The following LYSMD3 variants were observed in gnomAD, a reference collection of about 807,000 sequenced individuals.
The protein encoded by LYSMD3 is lysM and putative peptidoglycan-binding domain-containing protein 3.
A neutral mutation model predicts 26.1 loss-of-function variants in LYSMD3; 13 were observed. That is an observed-to-expected ratio of 0.50 (90% CI 0.32 to 0.79). LYSMD3 has a LOEUF of 0.79. Ranked by LOEUF, LYSMD3 falls within the 30% of genes least tolerant of loss-of-function variation. LYSMD3 has a pLI of 0.03. For missense variants in LYSMD3, 331 were observed against 362.5 expected, an observed-to-expected ratio of 0.91 and a Z score of 0.71; for synonymous variants, 109 against 119.4, an observed-to-expected ratio of 0.91 and a Z score of 0.57.
chr5:90,528,806 A>C (rs1357176337), intron 1 of LYSMD3, among the ~76,000 whole-genome samples: 2 of 152,226 alleles, frequency 1.3e-5, no homozygotes. Context: ...ACAGTGTTAA[A>C]GCATTCTTCA....
Position 90,518,801 on chromosome 5 carries a change from T to G in LYSMD3, c.*18A>C. ...CAGATGCACATGTGACCACTAACAT[T>G]TGATTATGAGCTAATTGCTATGTTT... On this transcript the variant is annotated 3_prime_UTR_variant, in exon 3 of 3. Coordinates refer to ENST00000315948, the MANE Select transcript of LYSMD3 (RefSeq NM_198273.2). 1 of 1,581,744 alleles carries G rather than the reference T, an allele frequency of 6.3e-7. No homozygotes were observed. Among genetic ancestry groups the G allele is most frequent in the African/African-American group, 1.4e-5 (1 of 73,270 alleles).
At chr5:90,521,240 G>A (rs1224046505) in intron 2 of LYSMD3, among the ~76,000 whole-genome samples, 1 of 152,102 alleles carries the variant, frequency 6.6e-6, no homozygotes, top group Non-Finnish European at 1.5e-5. Flanking sequence ...ACATTATAGG[G>A]TTGAGGTGAA....
At chr5:90,527,948 T>TAA (rs1360600516) in intron 1 of LYSMD3, among the ~76,000 whole-genome samples, 11 of 152,228 alleles carry the variant, frequency 7.2e-5, no homozygotes, top group African/African-American at 2.7e-4. Flanking sequence ...AGCTATATGT[T>TAA]AAGTAGATTA....
rs1753191414 is a variant in LYSMD3 at position 90,525,198 on chromosome 5, T to C, written c.92A>G (p.Asp31Gly). 3.7e-6 allele frequency: 6 copies of C among 1,614,060 alleles called. No homozygotes were observed. The highest frequency in any genetic ancestry group is 1.3e-5 in the African/African-American group (1 of 75,020). ...CACTTCAGCATCCTCCTCCAAAATA[T>C]CACTGTCTGAACAATTTCCAAATGC... ...VHAFGNCSDS[D>G]ILEEDAEVYE... The change falls in exon 2 of 3, where the codon GAT becomes GGT. Residue 31 changes from aspartate (D) to glycine (G), a missense_variant. Coordinates refer to ENST00000315948, the MANE Select transcript of LYSMD3 (RefSeq NM_198273.2).
Position 90,518,848 on chromosome 5 carries a change from G to A in LYSMD3, c.892C>T (p.Gln298Ter). 1 of 1,613,412 alleles carries A rather than the reference G, an allele frequency of 6.2e-7. No individual in the cohort carries two copies. Among genetic ancestry groups the A allele is most frequent in the Non-Finnish European group, 8.5e-7 (1 of 1,179,656 alleles). ...DDHKLYSQDS[Q>*]SPAAQQET ...GTTTCCTGTTGAGCAGCAGGTGACT[G>A]AGAATCTTGACTATACAGTTTATGA... is the stretch of plus-strand genomic sequence containing the variant. The change falls in exon 3 of 3, where the codon CAG (glutamine) becomes TAG (stop). Residue 298 changes from glutamine to a stop codon, truncating the protein, a stop_gained. Transcript: ENST00000315948. LOFTEE classifies it high-confidence loss of function.
intron 2 of LYSMD3, among the ~76,000 whole-genome samples, chr5:90,521,814 T>C (rs952350726): frequency 1.6e-4 from 25 of 152,186 alleles, no homozygotes; most frequent in African/African-American, 5.8e-4. Context: ...GGACTTTTTA[T>C]TCTTCTCATC....
rs763256584 is a variant in LYSMD3 at position 90,519,117 on chromosome 5, G to A, written c.623C>T (p.Pro208Leu). 2.5e-6 allele frequency: 4 copies of A among 1,614,042 alleles called. No individual in the cohort carries two copies. In the East Asian group the frequency reaches 8.9e-5, roughly 36 times the overall value. Residue 208 changes from proline to leucine, a missense_variant, in exon 3 of 3, where the codon CCC becomes CTC. Physicochemically the swap from Pro to Leu is moderately conservative, Grantham distance 98. Around this residue, in one of 3 missense-constraint regions of LYSMD3, gnomAD observed 262 missense variants for 267.3 expected, o/e 0.98. Coordinates refer to ENST00000315948, the MANE Select transcript of LYSMD3 (RefSeq NM_198273.2). ...TATTCCCCAGTCTGCTCCATAATAG[G>A]GGTCTTTACGTTGAGTGTTTTTGTT... Reference protein sequence around the residue: ...PDNKNTQRKDPYYGADWGIGW... With the variant: ...PDNKNTQRKDLYYGADWGIGW...
chr5:90,519,496 A>AG lies in LYSMD3; in HGVS notation c.256-13_256-12insC, dbSNP rs1561266086. 3.4e-6 allele frequency: 5 copies of AG among 1,454,948 alleles called. No individual in the cohort carries two copies. The South Asian group carries it at 3.6e-5, about 11-fold the overall frequency. 90.1% of individuals were successfully genotyped at this position (1,454,948 alleles called of 1,614,324 possible). A position where few individuals can be genotyped will look rare whatever the true frequency, so the allele number is the denominator to read the frequency against. Reference sequence around the variant, plus strand: ...TTGATATCTGCTACCTGTGGGGGGGAAAAAAAAGCAACATACAACTGAATT... The same window carrying AG: ...TTGATATCTGCTACCTGTGGGGGGGAGAAAAAAAGCAACATACAACTGAATT... On this transcript the variant is annotated splice_polypyrimidine_tract_variant and intron_variant, in intron 2 of 2. Coordinates refer to ENST00000315948, the MANE Select transcript of LYSMD3 (RefSeq NM_198273.2).
chr5:90,524,066 A>G (rs1430882335), intron 2 of LYSMD3, among the ~76,000 whole-genome samples: 3 of 152,210 alleles, frequency 2.0e-5, no homozygotes, highest in Non-Finnish European at 4.4e-5. Flanking sequence ...CCATTTAAAG[A>G]TATAGTTGTG....
chr5:90,523,687 G>A (rs1375350640), intron 2 of LYSMD3, among the ~76,000 whole-genome samples: 2 of 152,020 alleles, frequency 1.3e-5, no homozygotes, highest in Non-Finnish European at 2.9e-5. Context: ...TGCATTTAAA[G>A]AGCACTCTAA....
chr5:90,523,420 T>G (rs1384377704), intron 2 of LYSMD3, among the ~76,000 whole-genome samples: 3 of 151,870 alleles, frequency 2.0e-5, no homozygotes, highest in Non-Finnish European at 4.4e-5. Context: ...ATAAATACAT[T>G]TATATAATAT....
Position 90,516,683 on chromosome 5 carries a change from TTA to T in LYSMD3, c.*2134_*2135del, listed in dbSNP as rs1375461506. ...TATATAGAATTATATGTAACTCAAA[TTA>T]TATTCAATTAATTCAAATATATAAT... On this transcript the variant is annotated 3_prime_UTR_variant, in exon 3 of 3. Transcript: ENST00000315948. 6.6e-6 allele frequency: 1 copy of T among 152,332 alleles called. No homozygotes were observed. Among genetic ancestry groups the T allele is most frequent in the Non-Finnish European group, 1.5e-5 (1 of 67,906 alleles). The allele number at this position is 152,332 out of a possible 1,614,324, so 9.4% of individuals were successfully genotyped here.
In LYSMD3 at chr5:90,516,595, A is replaced by C. The variant is rs1752955949; in HGVS notation, c.*2224T>G. The C allele has an allele frequency of 6.6e-6, 1 of 152,212 alleles. No homozygotes were observed. The highest frequency in any genetic ancestry group is 2.4e-5 in the African/African-American group (1 of 41,458). The allele number at this position is 152,212 out of a possible 1,614,324, so 9.4% of individuals were successfully genotyped here. On this transcript the variant is annotated 3_prime_UTR_variant, in exon 3 of 3. Transcript: ENST00000315948. Reference sequence around the variant, plus strand: ...AAACTAAAATTATTCCAAATGTATTAAATGCTTAGAAAATTCATTTCTTTC... The same window carrying C: ...AAACTAAAATTATTCCAAATGTATTCAATGCTTAGAAAATTCATTTCTTTC...
chr5:90,522,492 T>C (rs1753117319), intron 2 of LYSMD3, among the ~76,000 whole-genome samples: 1 of 152,214 alleles, frequency 6.6e-6, no homozygotes, highest in Non-Finnish European at 1.5e-5. Context: ...TTTCCCCCAA[T>C]ACATTAACAC....
chr5:90,525,765 C>CA (rs1178852000), intron 1 of LYSMD3, among the ~76,000 whole-genome samples: 3 of 152,036 alleles, frequency 2.0e-5, no homozygotes, highest in Non-Finnish European at 4.4e-5. Flanking sequence ...TCAGGTTTTA[C>CA]AACTGTTAAA....
At position 90,518,502 on chromosome 5, in the gene LYSMD3, T is replaced by G. The variant is rs1753003752; in HGVS notation, c.*317A>C. On this transcript the variant is annotated 3_prime_UTR_variant, in exon 3 of 3. Coordinates refer to ENST00000315948, the MANE Select transcript of LYSMD3 (RefSeq NM_198273.2). Reference sequence around the variant, plus strand: ...CATAAATTTAACATTAATAAACTTTTTAAAAATTACTTAAAAAAATAAAAT... The same window carrying G: ...CATAAATTTAACATTAATAAACTTTGTAAAAATTACTTAAAAAAATAAAAT... The G allele has an allele frequency of 4.6e-6, 1 of 216,738 alleles. No homozygotes were observed. The allele number at this position is 216,738 out of a possible 1,614,324, so 13.4% of individuals were successfully genotyped here.
At chr5:90,525,709 C>A (rs1753207865) in intron 1 of LYSMD3, among the ~76,000 whole-genome samples, 1 of 152,182 alleles carries the variant, frequency 6.6e-6, no homozygotes, top group Admixed American at 6.5e-5. Context: ...TTCAGCCTCC[C>A]AAAGTGCTAC....
intron 2 of LYSMD3, among the ~76,000 whole-genome samples, chr5:90,523,208 T>G (rs257851): frequency 0.59 from 90,231 of 151,906 alleles, 27,510 homozygotes; most frequent in African/African-American, 0.73. Flanking sequence ...AATTGATGTT[T>G]TCATACATGA....
At chr5:90,523,356 T>C (rs951350081) in intron 2 of LYSMD3, among the ~76,000 whole-genome samples, 16 of 152,068 alleles carry the variant, frequency 1.1e-4, no homozygotes, top group Middle Eastern at 3.4e-3. Flanking sequence ...ATGTGAATTA[T>C]TGCAATAGTT....
Sources: gnomAD v4.1 joint callset for allele counts (sites outside exome capture counted in the v4.1 genomes callset) on GRCh38, gnomAD v4.1.1 for gene constraint, gnomAD v4.1.1 regional missense constraint, MANE v1.5 for transcripts, NCBI Gene and HGNC (gene_info 2026-07-23, HGNC 2026-07-21) for gene names.